DGKB: variants seen among roughly 807,000 people sequenced by gnomAD.
DGKB encodes diacylglycerol kinase beta, also known as 90 kDa diacylglycerol kinase.
In DGKB, 67 loss-of-function variants were observed where a neutral mutation model predicts 114.3. That is an observed-to-expected ratio of 0.59 (90% CI 0.48 to 0.72). The LOEUF (loss-of-function observed/expected upper bound fraction) is 0.72, where lower values mean the gene tolerates loss of function less well. DGKB is among the 30% of genes least tolerant of loss of function. The pLI is 0.00. For missense variants in DGKB, 907 were observed against 975.2 expected, an observed-to-expected ratio of 0.93 and a Z score of 0.93; for synonymous variants, 398 against 323.1, an observed-to-expected ratio of 1.23 and a Z score of -2.49.
At chr7:14,850,690 T>TA (rs1489386474) in intron 1 of DGKB, among the ~76,000 whole-genome samples, 2 of 152,096 alleles carry the variant, frequency 1.3e-5, no homozygotes, top group African/African-American at 4.8e-5. Flanking sequence ...AAAAATTACC[T>TA]AAAAATGTGG....
chr7:14,430,563 C>T (rs1269056367), intron 21 of DGKB, among the ~76,000 whole-genome samples: 2 of 152,136 alleles, frequency 1.3e-5, no homozygotes, highest in East Asian at 1.9e-4. Context: ...CTACAGAATC[C>T]CTCATGCCAC....
chr7:14,630,219 T>A lies in DGKB; in HGVS notation c.1167+17A>T. 1 of 1,537,572 alleles carries A rather than the reference T, an allele frequency of 6.5e-7. No individual in the cohort carries two copies. Among genetic ancestry groups the A allele is most frequent in the East Asian group, 2.4e-5 (1 of 41,078 alleles). ...ACCTATAATTTTAAGTGTGAAAACC[T>A]GTTTTTGCTTACGCACCTCAGGAAC... On this transcript the variant is annotated intron_variant, in intron 14 of 25. Transcript: ENST00000402815.
intron 20 of DGKB, among the ~76,000 whole-genome samples, chr7:14,510,056 G>C (rs1787758408): frequency 6.6e-6 from 1 of 151,998 alleles, no homozygotes; most frequent in South Asian, 2.1e-4. Flanking sequence ...GGCGCCTGTA[G>C]TCCCAGCTAC....
chr7:14,406,296 G>A (rs949913289), intron 21 of DGKB, among the ~76,000 whole-genome samples: 15 of 151,998 alleles, frequency 9.9e-5, no homozygotes, highest in African/African-American at 3.6e-4. Flanking sequence ...ATTGACTTGA[G>A]AGCAAGTTGG....
chr7:14,182,667 T>C (rs767440020), intron 23 of DGKB, among the ~76,000 whole-genome samples: 15 of 152,160 alleles, frequency 9.9e-5, no homozygotes, highest in Non-Finnish European at 2.1e-4. Context: ...ATCAGGGATA[T>C]GAATGTAAAT....
intron 20 of DGKB, among the ~76,000 whole-genome samples, chr7:14,507,124 A>G (rs1787212567): frequency 6.6e-6 from 1 of 152,198 alleles, no homozygotes; most frequent in Non-Finnish European, 1.5e-5. Context: ...GTGTTAAGCC[A>G]TAGAGATTTG....
At chr7:14,857,238 C>G (rs2128172212) in intron 1 of DGKB, among the ~76,000 whole-genome samples, 1 of 74,786 alleles carries the variant, frequency 1.3e-5, no homozygotes, top group South Asian at 6.8e-4. Flanking sequence ...CTCTTCCACC[C>G]AACCCCCTGC....
At chr7:14,552,234 C>G (rs1250351068) in intron 20 of DGKB, among the ~76,000 whole-genome samples, 1 of 152,074 alleles carries the variant, frequency 6.6e-6, no homozygotes, top group African/African-American at 2.4e-5. Flanking sequence ...GCAACATGTT[C>G]ATCTTTGTAT....
intron 2 of DGKB, among the ~76,000 whole-genome samples, chr7:14,780,970 C>T (rs575188618): frequency 6.6e-6 from 1 of 152,218 alleles, no homozygotes; most frequent in South Asian, 2.1e-4. Context: ...TGTGTTTGTT[C>T]AGATTCATTT....
chr7:14,549,018 G>A (rs1203847599), intron 20 of DGKB, among the ~76,000 whole-genome samples: 1 of 151,304 alleles, frequency 6.6e-6, no homozygotes, highest in Non-Finnish European at 1.5e-5. Flanking sequence ...AATGCAGAGA[G>A]GAAAGAGTAG....
intron 13 of DGKB, among the ~76,000 whole-genome samples, chr7:14,631,982 G>A (rs1809807147): frequency 6.6e-6 from 1 of 151,910 alleles, no homozygotes; most frequent in South Asian, 2.1e-4. Context: ...TCCAGAGCCT[G>A]AGTCAGAGAT....
chr7:14,263,295 C>T (rs967234901), intron 23 of DGKB, among the ~76,000 whole-genome samples: 4 of 152,124 alleles, frequency 2.6e-5, no homozygotes, highest in African/African-American at 9.7e-5. Context: ...TCCTTTCAGG[C>T]TAGTATTTCT....
At chr7:14,232,071 G>A (rs886175451) in intron 23 of DGKB, among the ~76,000 whole-genome samples, 1 of 151,848 alleles carries the variant, frequency 6.6e-6, no homozygotes, top group Non-Finnish European at 1.5e-5. Flanking sequence ...GACCACTTCC[G>A]GTTGCTTTTA....
chr7:14,903,723 G>C (rs1427578939), upstream of DGKB, among the ~76,000 whole-genome samples: 1 of 152,134 alleles, frequency 6.6e-6, no homozygotes, highest in African/African-American at 2.4e-5. Context: ...TAACCAATCA[G>C]GGCACAGATA....
Position 14,442,646 on chromosome 7 carries a change from T to C in DGKB, c.1835+35515A>G, listed in dbSNP as rs541723693. Reference sequence around the variant, plus strand: ...TTCCTGTAAATTTCTATAATAATTCTGTTGTAAGAGTTTTAATATGTAATA... The same window carrying C: ...TTCCTGTAAATTTCTATAATAATTCCGTTGTAAGAGTTTTAATATGTAATA... On this transcript the variant is annotated intron_variant, in intron 21 of 25. Coordinates refer to ENST00000402815, the MANE Select transcript of DGKB (RefSeq NM_001350709.2). Among the ~76,000 whole-genome samples the C allele has an allele frequency of 5.9e-5, 9 of 152,280 alleles. No individual in the cohort carries two copies. The East Asian group carries it at 7.7e-4, about 13-fold the overall frequency.
At chr7:14,174,434 A>C (rs1296509858) in intron 25 of DGKB, among the ~76,000 whole-genome samples, 1 of 152,212 alleles carries the variant, frequency 6.6e-6, no homozygotes, top group Non-Finnish European at 1.5e-5. Flanking sequence ...GGATATTACC[A>C]TAGCTGTGAC....
chr7:14,557,920 T>C (rs1307619678), intron 20 of DGKB, among the ~76,000 whole-genome samples: 1 of 151,674 alleles, frequency 6.6e-6, no homozygotes, highest in East Asian at 1.9e-4. Context: ...TTGATTATTT[T>C]ATCTCATTTA....
At chr7:14,249,773 ACAC>A (rs1186214774) in intron 23 of DGKB, among the ~76,000 whole-genome samples, 3 of 152,024 alleles carry the variant, frequency 2.0e-5, no homozygotes, top group African/African-American at 7.2e-5. Context: ...TCTTTCCAAA[ACAC>A]CAACTCATAA....
intron 15 of DGKB, among the ~76,000 whole-genome samples, chr7:14,615,336 T>C (rs1321381742): frequency 1.3e-5 from 2 of 151,914 alleles, no homozygotes; most frequent in Admixed American, 1.3e-4. Flanking sequence ...CTGAGTCCAA[T>C]ATATGGAATT....
Sources: gnomAD v4.1 joint callset for allele counts (sites outside exome capture counted in the v4.1 genomes callset) on GRCh38, gnomAD v4.1.1 for gene constraint, MANE v1.5 for transcripts, NCBI Gene and HGNC (gene_info 2026-07-23, HGNC 2026-07-21) for gene names.